The following GOSR2 variants were observed in gnomAD, a reference collection of about 807,000 sequenced individuals.
GOSR2 encodes 27 kDa Golgi SNARE protein.
In GOSR2, 20 loss-of-function variants were observed where a neutral mutation model predicts 27.9. That is an observed-to-expected ratio of 0.72 (90% confidence interval 0.50 to 1.04). The LOEUF is 1.04. Among genes scored for constraint, GOSR2 ranks in the 50% least tolerant of loss-of-function variants. The probability of loss-of-function intolerance (pLI) is 0.00; values close to 1 mark genes in which losing one functional copy is unlikely to be tolerated. For synonymous variants in GOSR2, 91 were observed against 98.8 expected (o/e 0.92, Z 0.47); for missense variants, 261 against 270.5 (o/e 0.97, Z 0.25).
chr17:46,963,565 CAGATGATATAGTT>C, intron 6 of GOSR2: 1 of 150,422 alleles, frequency 6.6e-6, no homozygotes, highest in Middle Eastern at 3.4e-3. Context: ...AAAAAATAGG[CAGATGATATAGTT>C]GGAGATTTTA....
intron 6 of GOSR2, among the ~76,000 whole-genome samples, chr17:46,952,249 G>T (rs1344631722): frequency 1.3e-5 from 2 of 152,194 alleles, no homozygotes; most frequent in Non-Finnish European, 2.9e-5. Context: ...AGCGAGGGCT[G>T]CCTCCTCCAG....
intron 6 of GOSR2, among the ~76,000 whole-genome samples, chr17:46,972,621 A>C (rs540196480): frequency 6.6e-6 from 1 of 152,346 alleles, no homozygotes; most frequent in African/African-American, 2.4e-5. Flanking sequence ...TACAGGTTCC[A>C]TGTCCCGGGC....
At chr17:46,928,745 C>T (rs1439830821) in intron 1 of GOSR2, among the ~76,000 whole-genome samples, 2 of 152,184 alleles carry the variant, frequency 1.3e-5, no homozygotes, top group Non-Finnish European at 2.9e-5. Context: ...TCTCCCCCAA[C>T]CCGATTCCCT....
intron 4 of GOSR2, chr17:46,933,738 C>G (rs2087781487): frequency 6.6e-6 from 1 of 151,176 alleles, no homozygotes; most frequent in Non-Finnish European, 1.5e-5. Flanking sequence ...TTTGGGAGAC[C>G]AAGGCAGTGG....
intron 6 of GOSR2, among the ~76,000 whole-genome samples, chr17:46,974,766 A>G (rs561120512): frequency 6.6e-6 from 1 of 150,868 alleles, no homozygotes; most frequent in Non-Finnish European, 1.5e-5. Flanking sequence ...CTCAAGTGAA[A>G]CTGATTTGAA....
downstream of GOSR2, chr17:46,942,039 T>G (rs2089350878): frequency 1.3e-6 from 1 of 762,924 alleles, no homozygotes; most frequent in African/African-American, 1.9e-5. Flanking sequence ...CAAAAAAGAT[T>G]TGAGGAGACT....
At chr17:46,934,809 A>T (rs1226048086) in intron 4 of GOSR2, among the ~76,000 whole-genome samples, 1 of 150,690 alleles carries the variant, frequency 6.6e-6, no homozygotes, top group East Asian at 1.9e-4. Flanking sequence ...GTGGAGTGGA[A>T]CTCATTTGGA....
intron 6 of GOSR2, chr17:46,949,483 T>C (rs1406414719): frequency 6.6e-6 from 1 of 152,174 alleles, no homozygotes; most frequent in African/African-American, 2.4e-5. Flanking sequence ...AGCCCCCAGC[T>C]GCCTCTCAGT....
rs1131691533 is a variant in GOSR2 at position 46,923,200 on chromosome 17, C to T, written c.8C>T (p.Pro3Leu). 4.5e-6 allele frequency: 7 copies of T among 1,548,328 alleles called. No homozygotes were observed. The highest frequency in any genetic ancestry group is 5.2e-6 in the Non-Finnish European group (6 of 1,144,068). The change falls in exon 1 of 6, where the codon CCC becomes CTC. Residue 3 changes from proline to leucine, a missense_variant. Transcript: ENST00000640051. ...GCCTGCGGGGCCGGCGACATGGATCCCCTGTTCCAGCAAACGCACAAGTGA... is the reference window on the plus strand; with the variant it reads ...GCCTGCGGGGCCGGCGACATGGATCTCCTGTTCCAGCAAACGCACAAGTGA... Reference protein sequence around the residue: MDPLFQQTHKQVH... With the variant: MDLLFQQTHKQVH...
At chr17:46,923,876 A>T (rs769055264) in intron 1 of GOSR2, 55 of 398,230 alleles carry the variant, frequency 1.4e-4, no homozygotes, top group Non-Finnish European at 4.4e-5. Context: ...GTTGAGTATT[A>T]ATGGGGCCAT....
chr17:46,970,488 C>T (rs191290860), downstream of GOSR2, among the ~76,000 whole-genome samples: 13 of 146,270 alleles, frequency 8.9e-5, 1 homozygote, highest in South Asian at 4.3e-4. Flanking sequence ...TGCAGCAAGC[C>T]GAGATCAAGC....
At chr17:46,947,338 C>G (rs1226122834) in intron 6 of GOSR2, among the ~76,000 whole-genome samples, 1 of 152,196 alleles carries the variant, frequency 6.6e-6, no homozygotes, top group Non-Finnish European at 1.5e-5. Flanking sequence ...ACCTGGCAAC[C>G]TGAACTACCC....
At chr17:46,927,353 C>G (rs1435038521) in intron 1 of GOSR2, among the ~76,000 whole-genome samples, 1 of 152,138 alleles carries the variant, frequency 6.6e-6, no homozygotes, top group Non-Finnish European at 1.5e-5. Context: ...CTTTGGTGTA[C>G]AGAAGTTTTT....
intron 6 of GOSR2, among the ~76,000 whole-genome samples, chr17:46,966,011 T>A (rs2091302967): frequency 1.3e-5 from 2 of 151,126 alleles, no homozygotes; most frequent in South Asian, 4.3e-4. Context: ...TGACCTAACC[T>A]TCTCTTTCTT....
chr17:46,936,233 A>G (rs2088318701), intron 5 of GOSR2: 2 of 985,226 alleles, frequency 2.0e-6, no homozygotes, highest in South Asian at 9.4e-5. Context: ...TCTTTAGAAA[A>G]CTGCTACTCT....
At chr17:46,934,283 C>G (rs905429170) in intron 4 of GOSR2, among the ~76,000 whole-genome samples, 1 of 152,064 alleles carries the variant, frequency 6.6e-6, no homozygotes, top group Non-Finnish European at 1.5e-5. Flanking sequence ...TGGACAGATT[C>G]CTTGAGCACA....
chr17:46,925,207 A>G (rs1455677691), intron 1 of GOSR2, among the ~76,000 whole-genome samples: 7 of 152,178 alleles, frequency 4.6e-5, no homozygotes, highest in African/African-American at 1.2e-4. Flanking sequence ...CTGCTGTTAT[A>G]TTGGGAAAAC....
intron 1 of GOSR2, among the ~76,000 whole-genome samples, chr17:46,925,959 G>A (rs1214544704): frequency 5.3e-5 from 8 of 152,118 alleles, no homozygotes; most frequent in Admixed American, 4.6e-4. Flanking sequence ...AGATCCCAAT[G>A]GTTGTAAAGG....
At chr17:46,945,580 CTCA>C (rs1053308844), downstream of GOSR2, among the ~76,000 whole-genome samples, 6 of 152,300 alleles carry the variant, frequency 3.9e-5, no homozygotes, top group East Asian at 1.2e-3. Flanking sequence ...TGGGTGGTAA[CTCA>C]TCAGAGAGGA....
Sources: gnomAD v4.1 joint callset for allele counts (sites outside exome capture counted in the v4.1 genomes callset) on GRCh38, gnomAD v4.1.1 for gene constraint, MANE v1.5 for transcripts, NCBI Gene and HGNC (gene_info 2026-07-23, HGNC 2026-07-21) for gene names.